The following FAM193A variants were observed in gnomAD, a reference collection of about 807,000 sequenced individuals.
The protein encoded by FAM193A is protein FAM193A.
Under a neutral mutation model 126.5 loss-of-function variants are expected in FAM193A, and 22 were observed. That is an observed-to-expected ratio of 0.17 (90% confidence interval 0.12 to 0.25). The LOEUF is 0.25. Among genes scored for constraint, FAM193A ranks in the 10% least tolerant of loss-of-function variants. The pLI is 1.00. For synonymous variants in FAM193A, 761 were observed against 646.8 expected, an observed-to-expected ratio of 1.18 and a Z score of -2.68; for missense variants, 1,675 against 1,672.8, an observed-to-expected ratio of 1.00 and a Z score of -0.02.
intron 1 of FAM193A, among the ~76,000 whole-genome samples, chr4:2,571,442 T>G (rs556978827): frequency 4.6e-5 from 7 of 152,154 alleles, no homozygotes; most frequent in Non-Finnish European, 7.4e-5. Context: ...TACTAGGGTT[T>G]TGGAAGTGAA....
intron 20 of FAM193A, among the ~76,000 whole-genome samples, chr4:2,730,659 C>G (rs1349335594): frequency 6.6e-6 from 1 of 151,358 alleles, no homozygotes; most frequent in Non-Finnish European, 1.5e-5. Flanking sequence ...CACTGCACTC[C>G]AGCCTGGGCG....
At chr4:2,563,927 G>A (rs1738781965) in intron 1 of FAM193A, among the ~76,000 whole-genome samples, 1 of 152,082 alleles carries the variant, frequency 6.6e-6, no homozygotes, top group South Asian at 2.1e-4. Flanking sequence ...ACACAATCTA[G>A]TATTTTATAA....
intron 1 of FAM193A, 92 bp downstream of exon 1, chr4:2,537,262 G>A (rs1284472467): frequency 6.4e-6 from 1 of 155,256 alleles, no homozygotes. Context: ...TGTCGGCCCC[G>A]GGCCTGGGAG....
At chr4:2,622,791 A>G (rs1380146364) in intron 2 of FAM193A, among the ~76,000 whole-genome samples, 1 of 151,976 alleles carries the variant, frequency 6.6e-6, no homozygotes, top group Non-Finnish European at 1.5e-5. Context: ...CACTAATTCC[A>G]TTCACGAAGA....
chr4:2,691,266 A>C (rs112094240), intron 15 of FAM193A, among the ~76,000 whole-genome samples: 3,998 of 152,224 alleles, frequency 0.026, 188 homozygotes, highest in African/African-American at 0.091. Context: ...CCCAGGCTGG[A>C]GTGCAGCAGT....
At position 2,659,987 on chromosome 4, in the gene FAM193A, A is replaced by G. The variant is rs1206551512; in HGVS notation, c.1678A>G (p.Ser560Gly). Residue 560 changes from serine to glycine, a missense_variant, in exon 10 of 21, where the codon AGC becomes GGC. Coordinates refer to ENST00000637812, the MANE Select transcript of FAM193A (RefSeq NM_001366318.2). The stretch of plus-strand genomic sequence containing the variant: ...ATCTGCAAGCTCGGGGTCCGGCTCC[A>G]GCTCTCCCATCACAATTCAGCAGCA... ...VSSASSGSGS[S>G]SPITIQQHPR... The G allele has an allele frequency of 6.2e-7, 1 of 1,614,074 alleles. No individual in the cohort carries two copies. Among genetic ancestry groups the G allele is most frequent in the East Asian group, 2.2e-5 (1 of 44,898 alleles).
At chr4:2,548,895 A>G (rs928480340) in intron 1 of FAM193A, among the ~76,000 whole-genome samples, 4 of 151,674 alleles carry the variant, frequency 2.6e-5, no homozygotes, top group South Asian at 2.1e-4. Context: ...TTTTCCTTCT[A>G]TGTTTTCTTC....
intron 1 of FAM193A, among the ~76,000 whole-genome samples, chr4:2,567,881 G>A (rs1739061248): frequency 6.6e-6 from 1 of 152,180 alleles, no homozygotes; most frequent in Admixed American, 6.6e-5. Flanking sequence ...CTCCAGGTGG[G>A]TCCCTTCCTC....
chr4:2,569,979 G>A (rs1234457301), intron 1 of FAM193A, among the ~76,000 whole-genome samples: 1 of 152,074 alleles, frequency 6.6e-6, no homozygotes, highest in Non-Finnish European at 1.5e-5. Context: ...GTCTCATTCA[G>A]ATGCTCTTGA....
chr4:2,625,594 C>T (rs1259933586), intron 3 of FAM193A, 199 bp downstream of exon 3: 2 of 429,982 alleles, frequency 4.7e-6, no homozygotes, highest in Non-Finnish European at 8.3e-6. Flanking sequence ...GAAGCATCCT[C>T]AGAACAAGAG....
rs145751971 is a variant in FAM193A at position 2,672,567 on chromosome 4, T to C, written c.2331+195T>C. ...TTGTGAACCTTTACAGTTGTAACAA[T>C]CATTAAAAACAACTGTGAAGGTCAT... On this transcript the variant is annotated intron_variant, in intron 13 of 20. Transcript: ENST00000637812. Among the ~76,000 whole-genome samples, 926 of 152,310 alleles carry C rather than the reference T, an allele frequency of 6.1e-3. 7 individuals carry two copies. Among genetic ancestry groups the C allele is most frequent in the Non-Finnish European group, 9.7e-3 (663 of 68,028 alleles).
chr4:2,696,806 C>T lies in FAM193A; in HGVS notation c.3507+213C>T, dbSNP rs918393710. Among the ~76,000 whole-genome samples the T allele has an allele frequency of 3.3e-5, 5 of 152,194 alleles. No individual in the cohort carries two copies. The East Asian group carries it at 9.6e-4, about 29-fold the overall frequency. On this transcript the variant is annotated intron_variant, in intron 18 of 20. Coordinates refer to ENST00000637812, the MANE Select transcript of FAM193A (RefSeq NM_001366318.2). Reference sequence around the variant, plus strand: ...TTAACTTTGTGTTTTCGGGAAATTACTTCCCCTTTTGTAGAATGGGTTTGT... The same window carrying T: ...TTAACTTTGTGTTTTCGGGAAATTATTTCCCCTTTTGTAGAATGGGTTTGT...
intron 10 of FAM193A, among the ~76,000 whole-genome samples, chr4:2,662,546 C>A (rs983284098): frequency 6.6e-6 from 1 of 152,164 alleles, no homozygotes; most frequent in Non-Finnish European, 1.5e-5. Flanking sequence ...CAAATGGAAA[C>A]GTTAATCAGT....
rs768929978 is a variant in FAM193A at position 2,716,081 on chromosome 4, G to A, written c.4431G>A (p.Glu1477=). ...ACAGTGTGGATATGGATGAGACAGA[G>A]AGGGAAGTGGAATATTTCAAAAGGT... ...DLDSVDMDET[E]REVEYFKRFC... Residue 1477 remains glutamate (E), a synonymous_variant, in exon 20 of 21, where the codon GAG becomes GAA. Coordinates refer to ENST00000637812, the MANE Select transcript of FAM193A (RefSeq NM_001366318.2). 1.2e-5 allele frequency: 19 copies of A among 1,603,680 alleles called. No homozygotes were observed. The highest frequency in any genetic ancestry group is 1.5e-5 in the Non-Finnish European group (18 of 1,170,542).
chr4:2,583,754 A>T (rs891499968), intron 1 of FAM193A, among the ~76,000 whole-genome samples: 3 of 152,058 alleles, frequency 2.0e-5, no homozygotes, highest in Admixed American at 1.3e-4. Context: ...ACCCCAGGTG[A>T]GTGTATTTGT....
At chr4:2,667,877 AAAG>A (rs370888039) in intron 12 of FAM193A, among the ~76,000 whole-genome samples, 42 of 152,340 alleles carry the variant, frequency 2.8e-4, no homozygotes, top group African/African-American at 9.1e-4. Flanking sequence ...TAAAAAATAA[AAAG>A]AAACAAAAAT....
chr4:2,693,187 T>G (rs756309153), intron 15 of FAM193A, among the ~76,000 whole-genome samples: 1 of 151,876 alleles, frequency 6.6e-6, no homozygotes, highest in African/African-American at 2.4e-5. Context: ...CCCAGCTAAT[T>G]TTTTGTATTT....
intron 2 of FAM193A, among the ~76,000 whole-genome samples, chr4:2,621,777 G>A (rs1207822616): frequency 6.6e-6 from 1 of 152,090 alleles, no homozygotes; most frequent in East Asian, 1.9e-4. Flanking sequence ...TTAGATGGGC[G>A]TGGGATGGAG....
intron 1 of FAM193A, among the ~76,000 whole-genome samples, chr4:2,554,540 A>G (rs6845021): frequency 0.028 from 4,329 of 152,216 alleles, 222 homozygotes; most frequent in African/African-American, 0.098. Context: ...ATGTACTACT[A>G]TTATTGGATG....
Sources: gnomAD v4.1 joint callset for allele counts (sites outside exome capture counted in the v4.1 genomes callset) on GRCh38, gnomAD v4.1.1 for gene constraint, MANE v1.5 for transcripts, NCBI Gene and HGNC (gene_info 2026-07-23, HGNC 2026-07-21) for gene names.